The following NEB variants were observed in gnomAD, a reference collection of about 807,000 sequenced individuals.
NEB encodes nebulin, also known as nemaline myopathy type 2.
Under a neutral mutation model 952.2 loss-of-function variants are expected in NEB, and 512 were observed. That is an observed-to-expected ratio of 0.54 (90% CI 0.50 to 0.58). The LOEUF (loss-of-function observed/expected upper bound fraction) is 0.58, where lower values mean the gene tolerates loss of function less well. NEB is among the 20% of genes least tolerant of loss of function. The probability of loss-of-function intolerance (pLI) is 0.00; values close to 1 mark genes in which losing one functional copy is unlikely to be tolerated. For synonymous variants in NEB, 2,900 were observed against 3,149.8 expected, an observed-to-expected ratio of 0.92 and a Z score of 2.66; for missense variants, 8,428 against 9,231.1, an observed-to-expected ratio of 0.91 and a Z score of 3.56.
chr2:151,578,838 T>C (rs1384056778), intron 105 of NEB, among the ~76,000 whole-genome samples: 2 of 151,248 alleles, frequency 1.3e-5, no homozygotes, highest in African/African-American at 2.4e-5. Context: ...TCCCAGAACT[T>C]TGGAAGGCTG....
intron 110 of NEB, among the ~76,000 whole-genome samples, 172 bp downstream of exon 110, chr2:151,569,096 T>C (rs1412583552): frequency 6.6e-6 from 1 of 152,228 alleles, no homozygotes; most frequent in Non-Finnish European, 1.5e-5. Context: ...ATTATGGATG[T>C]GGTCCCATAA....
chr2:151,694,641 A>C lies in NEB; in HGVS notation c.1675-12T>G. 1.3e-6 allele frequency: 2 copies of C among 1,564,468 alleles called. No individual in the cohort carries two copies. Among genetic ancestry groups the C allele is most frequent in the Non-Finnish European group, 1.7e-6 (2 of 1,153,208 alleles). On this transcript the variant is annotated splice_polypyrimidine_tract_variant and intron_variant, in intron 18 of 181. Coordinates refer to ENST00000397345, the MANE Select transcript of NEB (RefSeq NM_001164508.2). ...TGCTTATAAAGATTCTGGACAAAAA[A>C]ATTCAGCAAAGGAATTGGCAAAAGT...
At chr2:151,562,528 A>ACT (rs2096132006) in intron 120 of NEB, 83 bp downstream of exon 120, 1 of 1,313,598 alleles carries the variant, frequency 7.6e-7, no homozygotes, top group Non-Finnish European at 1.0e-6. Context: ...GGACAACGGG[A>ACT]GCATGGCAGC....
chr2:151,565,014 T>C (rs1458302151), intron 117 of NEB, 30 bp downstream of exon 117: 1 of 1,304,462 alleles, frequency 7.7e-7, no homozygotes. Context: ...AATTAGAAAT[T>C]GAGTGGTTAT....
intron 10 of NEB, among the ~76,000 whole-genome samples, chr2:151,715,202 G>A (rs1238657211): frequency 1.3e-5 from 2 of 152,112 alleles, no homozygotes; most frequent in Non-Finnish European, 1.5e-5. Flanking sequence ...CATTCTTGTA[G>A]CCACATTTTT....
intron 161 of NEB, among the ~76,000 whole-genome samples, chr2:151,510,846 A>C (rs1214017936): frequency 6.6e-6 from 1 of 152,198 alleles, no homozygotes. Flanking sequence ...TAAATTTGTG[A>C]GTCAGCTTAC....
In NEB at chr2:151,505,622, A is replaced by G. The variant is rs1275939031; in HGVS notation, c.23650-52T>C. Reference sequence around the variant, plus strand: ...AGGTATTATTACATGCTGGACTGTTATTCTTCCCAACATGTACATGTTTTT... The same window carrying G: ...AGGTATTATTACATGCTGGACTGTTGTTCTTCCCAACATGTACATGTTTTT... On this transcript the variant is annotated intron_variant, in intron 164 of 181. Coordinates refer to ENST00000397345, the MANE Select transcript of NEB (RefSeq NM_001164508.2). The G allele has an allele frequency of 1.7e-5, 24 of 1,411,008 alleles. No homozygotes were observed. The East Asian group carries it at 5.5e-4, about 32-fold the overall frequency. The allele number at this position is 1,411,008 out of a possible 1,614,324, so 87.4% of individuals were successfully genotyped here. A position where few individuals can be genotyped will look rare whatever the true frequency, so the allele number is the denominator to read the frequency against.
intron 113 of NEB, 44 bp downstream of exon 113, chr2:151,568,027 A>C: frequency 2.8e-6 from 4 of 1,447,202 alleles, no homozygotes; most frequent in Non-Finnish European, 3.9e-6. Context: ...CCCTGGGAGC[A>C]AGGTCCCACT....
chr2:151,662,824 CT>C (rs1449412128), intron 45 of NEB, among the ~76,000 whole-genome samples: 1 of 152,170 alleles, frequency 6.6e-6, no homozygotes, highest in Non-Finnish European at 1.5e-5. Flanking sequence ...CTTCCTGGTA[CT>C]TTGTGTAAAT....
chr2:151,490,996 C>G (rs770753181), intron 179 of NEB, among the ~76,000 whole-genome samples: 63 of 151,932 alleles, frequency 4.1e-4, no homozygotes, highest in Admixed American at 9.2e-4. Context: ...GATCAGAAAA[C>G]TGGAGTATAA....
In NEB at chr2:151,688,700, T is replaced by G. The variant is rs73007953; in HGVS notation, c.2311-304A>C. On this transcript the variant is annotated intron_variant, in intron 24 of 181. Transcript: ENST00000397345. Reference sequence around the variant, plus strand: ...CATATATACCTGTGATAAAGTTTAATTTATATATTAGGCACAGTAAGAGAT... The same window carrying G: ...CATATATACCTGTGATAAAGTTTAAGTTATATATTAGGCACAGTAAGAGAT... 6.3e-3 allele frequency among the ~76,000 whole-genome samples: 954 copies of G among 152,268 alleles called. 8 individuals carry two copies. Among genetic ancestry groups the G allele is most frequent in the African/African-American group, 0.022 (910 of 41,538 alleles).
chr2:151,665,279 A>G (rs2099200889), intron 42 of NEB, 54 bp downstream of exon 42: 1 of 1,536,804 alleles, frequency 6.5e-7, no homozygotes, highest in South Asian at 1.1e-5. Context: ...GCCAGGCTCA[A>G]TGTCATGAAC....
Position 151,554,914 on chromosome 2 carries a change from C to G in NEB, c.19428+17G>C. On this transcript the variant is annotated intron_variant, in intron 125 of 181. Transcript: ENST00000397345. The stretch of plus-strand genomic sequence containing the variant: ...AGAATGTATCCTAGTCATTAAGGGG[C>G]GCATGACCGTACTTACATCGATGTT... 1 of 1,535,152 alleles carries G rather than the reference C, an allele frequency of 6.5e-7. No individual in the cohort carries two copies. Among genetic ancestry groups the G allele is most frequent in the Non-Finnish European group, 9.0e-7 (1 of 1,108,092 alleles).
At chr2:151,649,155 T>C (rs767213071) in intron 54 of NEB, among the ~76,000 whole-genome samples, 1 of 152,232 alleles carries the variant, frequency 6.6e-6, no homozygotes. Flanking sequence ...TGTTGTTTTC[T>C]CATTTTGTTG....
chr2:151,518,344 T>G lies in NEB; in HGVS notation c.22774A>C (p.Lys7592Gln), dbSNP rs903199022. The G allele has an allele frequency of 2.5e-6, 4 of 1,610,094 alleles. No individual in the cohort carries two copies. Among genetic ancestry groups the G allele is most frequent in the African/African-American group, 2.7e-5 (2 of 74,820 alleles). The change falls in exon 156 of 182, where the codon AAA becomes CAA. Residue 7592 changes from lysine to glutamine, a missense_variant. Physicochemically the swap from Lys to Gln is moderately conservative, Grantham distance 53 (BLOSUM62 1). Transcript: ENST00000397345. ...IPDNLEQLHLKEATELQSIVK... is the reference protein window; with the variant it reads ...IPDNLEQLHLQEATELQSIVK... ...ATACTCTGTAATTCTGTGGCCTCTT[T>G]TAGGTGAAGCTGCTCCAGATTATCG...
intron 24 of NEB, chr2:151,689,197 CTTTTTTTTTTTTTTTTT>C (rs11305294): frequency 3.5e-5 from 2 of 57,900 alleles, no homozygotes; most frequent in Non-Finnish European, 6.3e-5. Flanking sequence ...GATATATACT[CTTTTTTTTTTTTTTTTT>C]TTTTTTTTGA....
rs554685729 is a variant in NEB at position 151,724,725 on chromosome 2, T to C, written c.507+132A>G. On this transcript the variant is annotated intron_variant, in intron 7 of 181. Coordinates refer to ENST00000397345, the MANE Select transcript of NEB (RefSeq NM_001164508.2). ...TCATCTGTGCAGCCTCCTTGATGAA[T>C]ACAGGTATTGAACTCACACTGCCCA... is the stretch of plus-strand genomic sequence containing the variant. 17 of 678,058 alleles carry C rather than the reference T, an allele frequency of 2.5e-5. No individual in the cohort carries two copies. The South Asian group carries it at 3.2e-4, about 13-fold the overall frequency. 42.0% of individuals were successfully genotyped at this position (678,058 alleles called of 1,614,324 possible).
At chr2:151,644,370 G>A in intron 56 of NEB, 98 bp downstream of exon 56, 1 of 1,219,280 alleles carries the variant, frequency 8.2e-7, no homozygotes, top group Admixed American at 2.0e-5. Flanking sequence ...ACTGTAATTT[G>A]TTACCCCTTA....
intron 29 of NEB, 80 bp downstream of exon 29, chr2:151,682,582 G>A: frequency 8.7e-7 from 1 of 1,150,220 alleles, no homozygotes; most frequent in Non-Finnish European, 1.3e-6. Flanking sequence ...ATGAAGCAAT[G>A]AAGGAGCACT....
Sources: gnomAD v4.1 joint callset for allele counts (sites outside exome capture counted in the v4.1 genomes callset) on GRCh38, gnomAD v4.1.1 for gene constraint, MANE v1.5 for transcripts, NCBI Gene and HGNC (gene_info 2026-07-23, HGNC 2026-07-21) for gene names.